Variants in LARGE1 observed in about 807,000 individuals in gnomAD.
The protein encoded by LARGE1 is xylosyl- and glucuronyltransferase LARGE1.
LARGE1 carries 43 observed loss-of-function variants against 87.6 expected under a neutral mutation model. That is an observed-to-expected ratio of 0.49 (90% CI 0.38 to 0.63). The LOEUF is 0.63. LARGE1 is among the 30% of genes least tolerant of loss of function. The pLI, the probability that LARGE1 is intolerant of heterozygous loss-of-function variation, is 0.00. For missense variants in LARGE1, 802 were observed against 1,000.2 expected (o/e 0.80, Z 2.67); for synonymous variants, 434 against 394.6 (o/e 1.10, Z -1.18).
intron 12 of LARGE1, among the ~76,000 whole-genome samples, chr22:33,298,490 A>G (rs1334508864): frequency 6.6e-6 from 1 of 152,212 alleles, no homozygotes; most frequent in Non-Finnish European, 1.5e-5. Flanking sequence ...TAGAGAAGTT[A>G]AGTGCCTTTC....
At chr22:33,068,299 A>G in the LARGE1 span, among the ~76,000 whole-genome samples, 5 of 152,250 alleles carry the variant, frequency 3.3e-5, no homozygotes, top group Admixed American at 1.3e-4. Flanking sequence ...CTTTCCCCCA[A>G]ATATCTCCAT....
intron 3 of LARGE1, among the ~76,000 whole-genome samples, chr22:33,630,294 T>C (rs986794832): frequency 6.6e-6 from 1 of 152,208 alleles, no homozygotes; most frequent in African/African-American, 2.4e-5. Flanking sequence ...CCACTGGTCC[T>C]TGCACTAGGC....
rs776024597 is a variant in LARGE1, at chr22:33,650,382, G to A, written c.393C>T (p.Val131=). 4.3e-6 allele frequency: 7 copies of A among 1,614,044 alleles called. No individual in the cohort carries two copies. Among genetic ancestry groups the A allele is most frequent in the South Asian group, 1.1e-5 (1 of 91,060 alleles). The change falls in exon 3 of 15, where the codon GTC becomes GTT. Residue 131 remains valine (V), a synonymous_variant. Coordinates refer to ENST00000397394, the MANE Select transcript of LARGE1 (RefSeq NM_133642.5). Reference sequence around the variant, plus strand: ...TGCCCTTTACCTCGCATTTCTCCACGACCGGCTGCTGCCCACACTCGGAGC... The same window carrying A: ...TGCCCTTTACCTCGCATTTCTCCACAACCGGCTGCTGCCCACACTCGGAGC... ...GNSSECGQQP[V]VEKCETIHVA...
chr22:33,333,220 G>T (rs1004191174), intron 10 of LARGE1, among the ~76,000 whole-genome samples: 10 of 151,944 alleles, frequency 6.6e-5, no homozygotes, highest in African/African-American at 2.2e-4. Context: ...GGGTTTCACC[G>T]TGTTAGCCAG....
intron 1 of LARGE1, among the ~76,000 whole-genome samples, chr22:33,797,554 AGAG>A (rs1052552327): frequency 2.6e-5 from 4 of 152,334 alleles, no homozygotes; most frequent in Admixed American, 1.3e-4. Context: ...GGTTGGAGGC[AGAG>A]GAGAAGCACA....
intron 4 of LARGE1, among the ~76,000 whole-genome samples, chr22:33,625,621 T>C (rs781156255): frequency 9.9e-5 from 15 of 152,218 alleles, no homozygotes; most frequent in Non-Finnish European, 1.8e-4. Context: ...GAGACATTTA[T>C]TTTCCCACTG....
chr22:33,842,405 T>C (rs2063306525), intron 1 of LARGE1, among the ~76,000 whole-genome samples: 2 of 143,682 alleles, frequency 1.4e-5, no homozygotes. Context: ...AAATAACATA[T>C]TTCTTCGGAT....
chr22:33,860,525 T>C (rs2063885614), intron 1 of LARGE1, among the ~76,000 whole-genome samples: 1 of 152,154 alleles, frequency 6.6e-6, no homozygotes, highest in East Asian at 1.9e-4. Flanking sequence ...AGGGTCACAG[T>C]GTCCTGGCTC....
chr22:33,812,880 A>G (rs5999112), intron 1 of LARGE1, among the ~76,000 whole-genome samples: 12,797 of 152,290 alleles, frequency 0.084, 1,805 homozygotes, highest in African/African-American at 0.29. Context: ...CAAGAAGTCC[A>G]TAGCCTCCTC....
At chr22:33,620,169 TA>T (rs1338413604) in intron 4 of LARGE1, among the ~76,000 whole-genome samples, 1 of 152,140 alleles carries the variant, frequency 6.6e-6, no homozygotes, top group Non-Finnish European at 1.5e-5. Context: ...AAGTGAAGTT[TA>T]AAAAAACAAA....
intron 11 of LARGE1, among the ~76,000 whole-genome samples, chr22:33,219,109 A>G (rs527577524): frequency 2.7e-4 from 41 of 152,352 alleles, no homozygotes; most frequent in African/African-American, 9.6e-4. Flanking sequence ...CACCACCTAC[A>G]TGAGAAACAA....
chr22:33,181,382 T>C lies in LARGE1; in HGVS notation c.1731-14550A>G, dbSNP rs538289229. 2.0e-5 allele frequency among the ~76,000 whole-genome samples: 3 copies of C among 152,308 alleles called. No individual in the cohort carries two copies. In the South Asian group the frequency reaches 6.2e-4, roughly 32 times the overall value. ...CATATCTCAGATCAATTGATGAGCA[T>C]AATATCTCCATTTTAAAGATCTTTT... On this transcript the variant is annotated intron_variant, in intron 11 of 11. Coordinates refer to the LARGE1 transcript ENST00000608642.
chr22:33,872,138 C>T (rs966602756), intron 1 of LARGE1, among the ~76,000 whole-genome samples: 7 of 151,892 alleles, frequency 4.6e-5, no homozygotes, highest in African/African-American at 1.7e-4. Context: ...ACTCGCCCAC[C>T]CACAGAGGCT....
chr22:33,542,162 CAAAAAAAA>C (rs150998193), intron 6 of LARGE1, among the ~76,000 whole-genome samples: 1 of 92,696 alleles, frequency 1.1e-5, no homozygotes, highest in Non-Finnish European at 2.0e-5. Flanking sequence ...AACTCTGTCT[CAAAAAAAA>C]AAAAAAAAAA....
chr22:33,238,003 C>G (rs1407072530), intron 11 of LARGE1, among the ~76,000 whole-genome samples: 1 of 152,156 alleles, frequency 6.6e-6, no homozygotes, highest in African/African-American at 2.4e-5. Context: ...AAAGTTATAT[C>G]TTGAGACCAG....
chr22:33,206,893 C>T (rs949769720), intron 11 of LARGE1, among the ~76,000 whole-genome samples: 1 of 152,214 alleles, frequency 6.6e-6, no homozygotes, highest in African/African-American at 2.4e-5. Context: ...GCAGATCCCA[C>T]AGGTGGTGTT....
At chr22:33,540,417 G>A (rs938305699) in intron 6 of LARGE1, among the ~76,000 whole-genome samples, 4 of 152,216 alleles carry the variant, frequency 2.6e-5, no homozygotes, top group Non-Finnish European at 5.9e-5. Flanking sequence ...TATTTATGAT[G>A]TTGGATTGGA....
chr22:33,265,432 CAATAGTCCTG>C, intron 11 of LARGE1, among the ~76,000 whole-genome samples: 1 of 152,158 alleles, frequency 6.6e-6, no homozygotes, highest in East Asian at 1.9e-4. Context: ...CCTATTGTGG[CAATAGTCCTG>C]AATAGAGTCT....
chr22:33,713,397 C>T (rs181055689), intron 2 of LARGE1, among the ~76,000 whole-genome samples: 1 of 152,274 alleles, frequency 6.6e-6, no homozygotes, highest in South Asian at 2.1e-4. Flanking sequence ...TCCACTAGTA[C>T]ATAAATGCAG....
Sources: gnomAD v4.1 joint callset for allele counts (sites outside exome capture counted in the v4.1 genomes callset) on GRCh38, gnomAD v4.1.1 for gene constraint, MANE v1.5 for transcripts, NCBI Gene and HGNC (gene_info 2026-07-23, HGNC 2026-07-21) for gene names.